The following CNTNAP2 variants were observed in gnomAD, a reference collection of about 807,000 sequenced individuals.
CNTNAP2 encodes the protein contactin-associated protein-like 2.
A neutral mutation model predicts 155.2 loss-of-function variants in CNTNAP2; 98 were observed. That is an observed-to-expected ratio of 0.63 (90% CI 0.54 to 0.75). CNTNAP2 has a LOEUF of 0.75. Ranked by LOEUF, CNTNAP2 falls within the 30% of genes least tolerant of loss-of-function variation. The pLI, the probability that CNTNAP2 is intolerant of heterozygous loss-of-function variation, is 0.00. For missense variants in CNTNAP2, 1,727 were observed against 1,688.1 expected, an observed-to-expected ratio of 1.02 and a Z score of -0.40; for synonymous variants, 651 against 631.2, an observed-to-expected ratio of 1.03 and a Z score of -0.47.
intron 10 of CNTNAP2, among the ~76,000 whole-genome samples, chr7:147,468,293 CAAAAT>C (rs1290716417): frequency 6.6e-6 from 1 of 151,972 alleles, no homozygotes; most frequent in African/African-American, 2.4e-5. Context: ...AAAAAGAAAA[CAAAAT>C]AGAATACTTA....
chr7:148,315,897 A>C (rs1797678565), intron 21 of CNTNAP2, among the ~76,000 whole-genome samples: 1 of 107,982 alleles, frequency 9.3e-6, no homozygotes. Context: ...AACAATGTAC[A>C]GCTTCTGAGA....
intron 2 of CNTNAP2, among the ~76,000 whole-genome samples, chr7:146,805,441 T>A (rs1016278521): frequency 2.0e-5 from 3 of 152,192 alleles, no homozygotes; most frequent in African/African-American, 7.2e-5. Context: ...GTTTTCACCT[T>A]AATTTGCTTA....
At chr7:146,373,405 T>TAC (rs3050924) in intron 1 of CNTNAP2, among the ~76,000 whole-genome samples, 27,663 of 143,442 alleles carry the variant, frequency 0.19, 3,983 homozygotes, top group African/African-American at 0.41. Context: ...ACTTAACACA[T>TAC]ACACACACAC....
In CNTNAP2 at chr7:147,640,665, C is replaced by A. The variant is rs377423192; in HGVS notation, c.2098+1359C>A. Among the ~76,000 whole-genome samples, 18 of 151,942 alleles carry A rather than the reference C, an allele frequency of 1.2e-4. No homozygotes were observed. The East Asian group carries it at 1.4e-3, about 11-fold the overall frequency. On this transcript the variant is annotated intron_variant, in intron 13 of 23. Transcript: ENST00000361727. ...AGGAACACCAAGGTTCTTAATCTCA[C>A]GCAGAACTGGATAAAACGACATGGA... is the stretch of plus-strand genomic sequence containing the variant.
At chr7:147,051,156 A>C (rs78278522) in intron 4 of CNTNAP2, among the ~76,000 whole-genome samples, 9,672 of 144,346 alleles carry the variant, frequency 0.067, 419 homozygotes, top group Middle Eastern at 0.13. Context: ...AAACACTATT[A>C]AACACAATAT....
chr7:146,127,471 T>C (rs892060843), intron 1 of CNTNAP2, among the ~76,000 whole-genome samples: 1 of 152,200 alleles, frequency 6.6e-6, no homozygotes, highest in Non-Finnish European at 1.5e-5. Flanking sequence ...GCGAGAAATA[T>C]ATTTTCAAAG....
chr7:147,066,207 C>A (rs541176822), intron 4 of CNTNAP2, among the ~76,000 whole-genome samples: 2 of 152,146 alleles, frequency 1.3e-5, no homozygotes, highest in East Asian at 3.8e-4. Context: ...GTTCTTTAAA[C>A]TGAATTGAAG....
At chr7:147,864,469 T>A (rs1197418784) in intron 13 of CNTNAP2, among the ~76,000 whole-genome samples, 2 of 151,354 alleles carry the variant, frequency 1.3e-5, no homozygotes, top group East Asian at 1.9e-4. Context: ...GTGAAGAAAG[T>A]CATTGGTAGC....
intron 1 of CNTNAP2, among the ~76,000 whole-genome samples, chr7:146,366,536 C>G (rs1283294737): frequency 6.6e-6 from 1 of 151,994 alleles, no homozygotes; most frequent in Non-Finnish European, 1.5e-5. Context: ...AAAAAAAATC[C>G]TGCACAAAAA....
chr7:148,192,063 G>T (rs1197726382), intron 18 of CNTNAP2, among the ~76,000 whole-genome samples: 1 of 152,156 alleles, frequency 6.6e-6, no homozygotes, highest in Non-Finnish European at 1.5e-5. Context: ...GTGGGAAGTG[G>T]GGAGGTGGAG....
intron 10 of CNTNAP2, among the ~76,000 whole-genome samples, chr7:147,465,578 G>T (rs1359839700): frequency 1.3e-5 from 2 of 152,204 alleles, no homozygotes; most frequent in Admixed American, 1.3e-4. Context: ...ATGGCAAATT[G>T]CTCAATTTAA....
chr7:147,263,848 T>C (rs1011547006), intron 8 of CNTNAP2, among the ~76,000 whole-genome samples: 1 of 152,204 alleles, frequency 6.6e-6, no homozygotes, highest in Non-Finnish European at 1.5e-5. Flanking sequence ...ATCAGTTCAC[T>C]CTTCCGGGAA....
intron 1 of CNTNAP2, among the ~76,000 whole-genome samples, chr7:146,409,659 C>A (rs1227115067): frequency 6.6e-6 from 1 of 151,982 alleles, no homozygotes; most frequent in Non-Finnish European, 1.5e-5. Flanking sequence ...TCTCACCTTC[C>A]CAAGGGTAAA....
intron 12 of CNTNAP2, among the ~76,000 whole-genome samples, chr7:147,620,833 G>T (rs1794832771): frequency 6.6e-6 from 1 of 151,942 alleles, no homozygotes; most frequent in African/African-American, 2.4e-5. Context: ...TTAATTCAAA[G>T]GTATAATAAC....
intron 11 of CNTNAP2, among the ~76,000 whole-genome samples, chr7:147,547,134 C>T (rs151302663): frequency 6.6e-6 from 1 of 152,304 alleles, no homozygotes; most frequent in Non-Finnish European, 1.5e-5. Flanking sequence ...CATGTCTTCT[C>T]TCAAGTCTAA....
chr7:147,801,625 A>T (rs1372220094), intron 13 of CNTNAP2, among the ~76,000 whole-genome samples: 2 of 152,078 alleles, frequency 1.3e-5, no homozygotes. Flanking sequence ...TGTTTCAGAG[A>T]GCACAGGGTT....
At chr7:146,907,579 A>C (rs1419642852) in intron 3 of CNTNAP2, among the ~76,000 whole-genome samples, 132 of 146,762 alleles carry the variant, frequency 9.0e-4, no homozygotes, top group Non-Finnish European at 1.3e-3. Context: ...GAAATAAAAT[A>C]CTTTACAGAC....
At chr7:146,928,618 C>T (rs999750989) in intron 3 of CNTNAP2, among the ~76,000 whole-genome samples, 6 of 152,134 alleles carry the variant, frequency 3.9e-5, no homozygotes, top group South Asian at 2.1e-4. Flanking sequence ...GTGCACGAGC[C>T]GAAGCAGGGC....
intron 1 of CNTNAP2, among the ~76,000 whole-genome samples, chr7:146,359,799 T>A (rs1244469658): frequency 6.6e-6 from 1 of 152,102 alleles, no homozygotes. Context: ...TGTATGTGTG[T>A]GTGTGCGTGC....
Sources: allele counts gnomAD v4.1 joint callset (sites outside exome capture counted in the v4.1 genomes callset), GRCh38; gene constraint gnomAD v4.1.1; transcripts MANE v1.5; gene names NCBI Gene and HGNC (gene_info 2026-07-23, HGNC 2026-07-21).